Variants in LDB2 observed in about 807,000 individuals in gnomAD.
LDB2 encodes LIM domain-binding protein 2.
A neutral mutation model predicts 44.3 loss-of-function variants in LDB2; 12 were observed. The observed-to-expected ratio is 0.27, with a 90% CI of 0.17 to 0.44. The LOEUF is 0.44. Among genes scored for constraint, LDB2 ranks in the 20% least tolerant of loss-of-function variants. The pLI is 1.00. For synonymous variants in LDB2, 164 were observed against 174.8 expected (o/e 0.94, Z 0.49); for missense variants, 344 against 473.5 (o/e 0.73, Z 2.54).
chr4:16,787,411 G>A (rs567854979), intron 1 of LDB2, among the ~76,000 whole-genome samples: 30 of 152,226 alleles, frequency 2.0e-4, no homozygotes, highest in African/African-American at 6.5e-4. Flanking sequence ...TCAGGAGTTC[G>A]AGACCAGCCT....
chr4:16,560,055 A>G (rs373061806), intron 5 of LDB2, among the ~76,000 whole-genome samples: 1 of 152,214 alleles, frequency 6.6e-6, no homozygotes, highest in Non-Finnish European at 1.5e-5. Flanking sequence ...TCTCTGGGAC[A>G]CATTCAAAGC....
At chr4:16,705,747 G>T (rs548879786) in intron 2 of LDB2, among the ~76,000 whole-genome samples, 2 of 152,270 alleles carry the variant, frequency 1.3e-5, no homozygotes, top group South Asian at 4.1e-4. Flanking sequence ...TAAAGTTAGG[G>T]TCTGGGTCTG....
At chr4:16,571,700 G>A (rs1364918725) in intron 5 of LDB2, among the ~76,000 whole-genome samples, 2 of 152,138 alleles carry the variant, frequency 1.3e-5, no homozygotes, top group Non-Finnish European at 2.9e-5. Context: ...TGTCTATTTA[G>A]GATTAAATGA....
At chr4:16,640,401 G>C (rs1734816049) in intron 2 of LDB2, among the ~76,000 whole-genome samples, 1 of 152,212 alleles carries the variant, frequency 6.6e-6, no homozygotes, top group Non-Finnish European at 1.5e-5. Flanking sequence ...GACCTTCTAA[G>C]TTGCTGGGCT....
chr4:16,773,998 C>CAAAAAACAAA, intron 1 of LDB2, among the ~76,000 whole-genome samples: 1 of 128,374 alleles, frequency 7.8e-6, no homozygotes, highest in South Asian at 2.8e-4. Flanking sequence ...ACTAAAAATA[C>CAAAAAACAAA]AAAAAAAATA....
chr4:16,813,142 T>C (rs759721196), intron 1 of LDB2, among the ~76,000 whole-genome samples: 14 of 151,976 alleles, frequency 9.2e-5, no homozygotes, highest in Non-Finnish European at 1.9e-4. Context: ...GGGACTACCA[T>C]GCCTGGCTAA....
chr4:16,556,608 C>T (rs991311867), intron 5 of LDB2, among the ~76,000 whole-genome samples: 45 of 152,250 alleles, frequency 3.0e-4, no homozygotes, highest in Non-Finnish European at 5.4e-4. Context: ...TAGAAATTGC[C>T]TGAAGCCACT....
chr4:16,659,689 A>ATG (rs1560787902), intron 2 of LDB2, among the ~76,000 whole-genome samples: 5 of 140,592 alleles, frequency 3.6e-5, no homozygotes, highest in South Asian at 2.4e-4. Flanking sequence ...ATATATATAT[A>ATG]TATGTATGTA....
intron 5 of LDB2, among the ~76,000 whole-genome samples, chr4:16,542,141 T>C (rs1488586003): frequency 6.8e-6 from 1 of 146,152 alleles, no homozygotes; most frequent in Non-Finnish European, 1.5e-5. Flanking sequence ...AGAAGGTCAG[T>C]ACCCTAGAAG....
chr4:16,549,215 A>G lies in LDB2; in HGVS notation c.615+36707T>C, dbSNP rs555789341. Among the ~76,000 whole-genome samples the G allele has an allele frequency of 4.8e-4, 73 of 152,342 alleles. No individual in the cohort carries two copies. In the Middle Eastern group the frequency reaches 0.027, roughly 57 times the overall value. ...GGTTTCATCTGAATGCCCAGCACAC[A>G]GCTTTTAGGAGCACTCAGTGGTTTA... On this transcript the variant is annotated intron_variant, in intron 5 of 7. Coordinates refer to ENST00000304523, the MANE Select transcript of LDB2 (RefSeq NM_001290.5).
chr4:16,769,352 A>G (rs1579494515), intron 1 of LDB2, among the ~76,000 whole-genome samples: 1 of 151,280 alleles, frequency 6.6e-6, no homozygotes, highest in South Asian at 2.1e-4. Context: ...GCTGGAGTGC[A>G]GTAGCACAGT....
chr4:16,639,133 T>A (rs1054737662), intron 2 of LDB2, among the ~76,000 whole-genome samples: 2 of 152,232 alleles, frequency 1.3e-5, no homozygotes, highest in African/African-American at 4.8e-5. Context: ...AGTATTATAA[T>A]CCTTACTTGG....
chr4:16,869,077 G>A (rs1715659891), intron 1 of LDB2, among the ~76,000 whole-genome samples: 1 of 152,018 alleles, frequency 6.6e-6, no homozygotes, highest in Non-Finnish European at 1.5e-5. Context: ...GTGCCTCAGT[G>A]GTTCATAAAG....
At chr4:16,620,139 T>C (rs1158971224) in intron 2 of LDB2, among the ~76,000 whole-genome samples, 10 of 152,186 alleles carry the variant, frequency 6.6e-5, no homozygotes. Context: ...GAAGAGACCA[T>C]ATCTATCTTG....
At chr4:16,876,384 A>G (rs1580415282) in intron 1 of LDB2, among the ~76,000 whole-genome samples, 1 of 152,352 alleles carries the variant, frequency 6.6e-6, no homozygotes, top group East Asian at 1.9e-4. Context: ...CTTGGTAGAT[A>G]TAAAAGAGTT....
In LDB2 at chr4:16,558,497, G is replaced by A. The variant is rs553675611; in HGVS notation, c.615+27425C>T. Among the ~76,000 whole-genome samples, 3 of 152,226 alleles carry A rather than the reference G, an allele frequency of 2.0e-5. No homozygotes were observed. In the East Asian group the frequency reaches 5.8e-4, roughly 29 times the overall value. On this transcript the variant is annotated intron_variant, in intron 5 of 7. Transcript: ENST00000304523. Reference sequence around the variant, plus strand: ...GAAATGAATGAAATGAAGCGAGAAGGGAAGTTTAGAGAAAAAAGAATAAAA... The same window carrying A: ...GAAATGAATGAAATGAAGCGAGAAGAGAAGTTTAGAGAAAAAAGAATAAAA...
intron 5 of LDB2, among the ~76,000 whole-genome samples, chr4:16,567,400 G>A (rs954949648): frequency 6.7e-6 from 1 of 148,294 alleles, no homozygotes; most frequent in African/African-American, 2.6e-5. Flanking sequence ...GTGTGCATGC[G>A]TGTGTGTGCA....
At chr4:16,555,059 G>T (rs902096797) in intron 5 of LDB2, among the ~76,000 whole-genome samples, 1 of 150,862 alleles carries the variant, frequency 6.6e-6, no homozygotes, top group East Asian at 2.0e-4. Context: ...GCACAATTTT[G>T]CTGTGAACCT....
At chr4:16,661,820 T>C (rs540647999) in intron 2 of LDB2, among the ~76,000 whole-genome samples, 15 of 152,286 alleles carry the variant, frequency 9.8e-5, no homozygotes, top group Non-Finnish European at 2.1e-4. Context: ...CAGAAGCATT[T>C]AATTAAACCT....
Sources: allele counts gnomAD v4.1 joint callset (sites outside exome capture counted in the v4.1 genomes callset), GRCh38; gene constraint gnomAD v4.1.1; transcripts MANE v1.5; gene names NCBI Gene and HGNC (gene_info 2026-07-23, HGNC 2026-07-21).